The following DLGAP2 variants were observed in gnomAD, a reference collection of about 807,000 sequenced individuals.
DLGAP2 encodes disks large-associated protein 2.
In DLGAP2, 26 loss-of-function variants were observed where a neutral mutation model predicts 100.3. The ratio of observed to expected loss-of-function variants is 0.26; its 90% CI spans 0.19 to 0.36. The LOEUF (loss-of-function observed/expected upper bound fraction) is 0.36, where lower values mean the gene tolerates loss of function less well. Ranked by LOEUF, DLGAP2 falls within the 10% of genes least tolerant of loss-of-function variation. The pLI is 1.00. For missense variants in DLGAP2, 1,858 were observed against 1,453.2 expected (o/e 1.28, Z -4.53); for synonymous variants, 886 against 630.1 (o/e 1.41, Z -6.08).
rs572154304 is a variant in DLGAP2 at position 1,669,318 on chromosome 8, C to T, written c.2161-425C>T. ...AGACGTGGCAGACGGTTCCTTTCCC[C>T]GTGAATGGAGAGCTCTGGCCGGCTC... On this transcript the variant is annotated intron_variant, in intron 9 of 14. Coordinates refer to ENST00000637795, the MANE Select transcript of DLGAP2 (RefSeq NM_001346810.2). Among the ~76,000 whole-genome samples, 27 of 152,306 alleles carry T rather than the reference C, an allele frequency of 1.8e-4. No homozygotes were observed. In the South Asian group the frequency reaches 5.0e-3, roughly 28 times the overall value.
chr8:1,368,606 G>A (rs1055585134), intron 3 of DLGAP2: 1 of 152,126 alleles, frequency 6.6e-6, no homozygotes, highest in Non-Finnish European at 1.5e-5. Context: ...ATGGATAAAG[G>A]CAAATCTTTC....
chr8:1,200,346 C>T (rs1445007139), intron 2 of DLGAP2, among the ~76,000 whole-genome samples: 1 of 152,208 alleles, frequency 6.6e-6, no homozygotes, highest in Non-Finnish European at 1.5e-5. Context: ...GCCCCGGCTC[C>T]TAATTCATCT....
At chr8:778,330 C>T (rs561423919) in intron 1 of DLGAP2, among the ~76,000 whole-genome samples, 1 of 152,336 alleles carries the variant, frequency 6.6e-6, no homozygotes, top group African/African-American at 2.4e-5. Flanking sequence ...TCGTCTGAAG[C>T]CTTCTTCTCT....
chr8:1,205,640 C>T (rs546921922), intron 2 of DLGAP2, among the ~76,000 whole-genome samples: 2 of 152,250 alleles, frequency 1.3e-5, no homozygotes, highest in African/African-American at 2.4e-5. Context: ...CTGCTCAGCT[C>T]GCCTCGGGAA....
intron 6 of DLGAP2, among the ~76,000 whole-genome samples, chr8:1,606,310 G>A (rs1692755814): frequency 6.6e-6 from 1 of 152,128 alleles, no homozygotes; most frequent in South Asian, 2.1e-4. Flanking sequence ...ACAATTCAGT[G>A]GTTCTTAGTT....
chr8:960,235 A>AACTTTTTTTTT (rs1799691008), intron 2 of DLGAP2, among the ~76,000 whole-genome samples: 2 of 8,348 alleles, frequency 2.4e-4, no homozygotes, highest in African/African-American at 8.7e-4. Context: ...CCTGAAGTAT[A>AACTTTTTTTTT]TCTTTTTTTT....
chr8:1,241,504 C>G (rs2116859911), intron 2 of DLGAP2, among the ~76,000 whole-genome samples: 1 of 152,318 alleles, frequency 6.6e-6, no homozygotes, highest in South Asian at 2.1e-4. Context: ...CTCTCGGAGG[C>G]CTATACGGGT....
chr8:995,988 C>G (rs994565291), intron 2 of DLGAP2, among the ~76,000 whole-genome samples: 1 of 152,176 alleles, frequency 6.6e-6, no homozygotes, highest in Non-Finnish European at 1.5e-5. Context: ...ACATCCCTCC[C>G]TTTTCCATGT....
chr8:740,477 A>G (rs1213508993), intron 1 of DLGAP2: 1 of 152,232 alleles, frequency 6.6e-6, no homozygotes, highest in Admixed American at 6.5e-5. Flanking sequence ...AGTGACATAC[A>G]TGCCCTTCTG....
intron 4 of DLGAP2, among the ~76,000 whole-genome samples, chr8:1,523,876 C>T (rs954994779): frequency 3.3e-5 from 5 of 152,182 alleles, no homozygotes; most frequent in Non-Finnish European, 7.3e-5. Context: ...TCAGTAACCG[C>T]ATAGAATTTC....
chr8:1,291,896 T>TAACTTTTGACTATTACA (rs1345258278), intron 3 of DLGAP2, among the ~76,000 whole-genome samples: 14 of 152,218 alleles, frequency 9.2e-5, no homozygotes, highest in Admixed American at 5.2e-4. Context: ...TGCCCTTGAC[T>TAACTTTTGACTATTACA]AACTTTTGAC....
At chr8:1,340,740 G>T (rs890735604) in intron 3 of DLGAP2, among the ~76,000 whole-genome samples, 1 of 152,146 alleles carries the variant, frequency 6.6e-6, no homozygotes, top group African/African-American at 2.4e-5. Context: ...TAGACCCAAA[G>T]GAATAGAAAC....
chr8:1,094,624 A>G (rs894324003), intron 2 of DLGAP2, among the ~76,000 whole-genome samples: 1 of 152,210 alleles, frequency 6.6e-6, no homozygotes, highest in African/African-American at 2.4e-5. Context: ...GCTCATCACA[A>G]TATGAGGCTT....
intron 1 of DLGAP2, among the ~76,000 whole-genome samples, chr8:834,427 C>T (rs1469564076): frequency 2.6e-5 from 4 of 152,218 alleles, no homozygotes; most frequent in African/African-American, 4.8e-5. Context: ...CCGACGCATG[C>T]GCCTGCGTTC....
chr8:1,606,063 A>C (rs1197207984), intron 6 of DLGAP2, among the ~76,000 whole-genome samples: 1 of 152,204 alleles, frequency 6.6e-6, no homozygotes, highest in Non-Finnish European at 1.5e-5. Context: ...AAAATGAATT[A>C]TCGTTAACTC....
chr8:1,252,680 T>C (rs1334947893), intron 2 of DLGAP2, among the ~76,000 whole-genome samples: 2 of 152,256 alleles, frequency 1.3e-5, no homozygotes, highest in African/African-American at 2.4e-5. Flanking sequence ...TGAGAGGTGC[T>C]AGCGAGGCCG....
intron 1 of DLGAP2, among the ~76,000 whole-genome samples, chr8:878,053 A>G (rs1875663): frequency 5.3e-5 from 8 of 152,166 alleles, no homozygotes; most frequent in Non-Finnish European, 1.2e-4. Flanking sequence ...CAGAGACTGT[A>G]GATGTTTTGT....
At chr8:781,763 C>G (rs537656527) in intron 1 of DLGAP2, among the ~76,000 whole-genome samples, 1 of 152,158 alleles carries the variant, frequency 6.6e-6, no homozygotes, top group Non-Finnish European at 1.5e-5. Flanking sequence ...GTCATTGTTG[C>G]TATGGGAACT....
chr8:1,445,146 G>A (rs557497769), intron 3 of DLGAP2, among the ~76,000 whole-genome samples: 34 of 147,462 alleles, frequency 2.3e-4, no homozygotes, highest in African/African-American at 8.3e-4. Context: ...GTGCAGGTTT[G>A]TTATACATGT....
Sources: gnomAD v4.1 joint callset for allele counts (sites outside exome capture counted in the v4.1 genomes callset) on GRCh38, gnomAD v4.1.1 for gene constraint, MANE v1.5 for transcripts, NCBI Gene and HGNC (gene_info 2026-07-23, HGNC 2026-07-21) for gene names.